The following KHDRBS3 variants were observed in gnomAD, a reference collection of about 807,000 sequenced individuals.
KHDRBS3 encodes KH domain-containing, RNA-binding, signal transduction-associated protein 3.
In KHDRBS3, 23 loss-of-function variants were observed where a neutral mutation model predicts 45.6. The observed-to-expected ratio is 0.50, with a 90% CI of 0.36 to 0.72. The LOEUF is 0.72. Among genes scored for constraint, KHDRBS3 ranks in the 30% least tolerant of loss-of-function variants. The pLI is 0.00. For missense variants in KHDRBS3, 352 were observed against 424.8 expected, an observed-to-expected ratio of 0.83 and a Z score of 1.51; for synonymous variants, 162 against 156.5, an observed-to-expected ratio of 1.04 and a Z score of -0.26.
chr8:135,627,684 A>C (rs561822326), intron 7 of KHDRBS3, among the ~76,000 whole-genome samples: 28 of 152,240 alleles, frequency 1.8e-4, no homozygotes, highest in Non-Finnish European at 3.2e-4. Context: ...AGTGAAAGTT[A>C]ACATACGTAT....
At chr8:135,621,742 T>C (rs1248678410) in intron 7 of KHDRBS3, among the ~76,000 whole-genome samples, 1 of 151,304 alleles carries the variant, frequency 6.6e-6, no homozygotes, top group Non-Finnish European at 1.5e-5. Context: ...TATGAAGAGA[T>C]TGACTTGGTG....
At chr8:135,602,276 A>G (rs1248498205) in intron 6 of KHDRBS3, among the ~76,000 whole-genome samples, 2 of 152,142 alleles carry the variant, frequency 1.3e-5, no homozygotes, top group South Asian at 2.1e-4. Context: ...ATGCTTCCCT[A>G]TATGTTTCAA....
chr8:135,457,761 T>A lies in KHDRBS3; in HGVS notation c.-106T>A. 2.5e-6 allele frequency: 1 copy of A among 400,256 alleles called. No individual in the cohort carries two copies. Among genetic ancestry groups the A allele is most frequent in the Non-Finnish European group, 3.7e-6 (1 of 267,708 alleles). 24.8% of individuals were successfully genotyped at this position (400,256 alleles called of 1,614,324 possible). ...CCGGCTTGGCCGCTGCTGCCGCGTC[T>A]GGCCCCCGGGTCCCCGCCGCTGGGG... On this transcript the variant is annotated 5_prime_UTR_variant, in exon 1 of 9. Transcript: ENST00000355849. This position sits in a 1 kb window ranked among gnomAD's most constrained non-coding sequence, Gnocchi z 4.4.
At chr8:135,595,770 A>G (rs1828945733) in intron 6 of KHDRBS3, among the ~76,000 whole-genome samples, 1 of 152,208 alleles carries the variant, frequency 6.6e-6, no homozygotes, top group Non-Finnish European at 1.5e-5. Flanking sequence ...GAATGAATCC[A>G]TATAAATCCA....
chr8:135,608,655 G>A (rs768877391), intron 7 of KHDRBS3, among the ~76,000 whole-genome samples: 19 of 152,138 alleles, frequency 1.2e-4, no homozygotes, highest in African/African-American at 3.6e-4. Flanking sequence ...TTCTGTTCCC[G>A]TATCTGTTAT....
chr8:135,608,970 G>C (rs1328001882), intron 7 of KHDRBS3, among the ~76,000 whole-genome samples: 1 of 152,192 alleles, frequency 6.6e-6, no homozygotes, highest in African/African-American at 2.4e-5. Context: ...CATGAATGCA[G>C]CTCGAAGGAC....
chr8:135,640,361 T>C (rs1417762402), intron 7 of KHDRBS3, among the ~76,000 whole-genome samples: 2 of 152,106 alleles, frequency 1.3e-5, no homozygotes, highest in Admixed American at 6.5e-5. Flanking sequence ...TTAACCCCAC[T>C]CATAGAGGTG....
chr8:135,526,981 CA>C (rs1470641422), intron 2 of KHDRBS3, among the ~76,000 whole-genome samples: 1 of 151,630 alleles, frequency 6.6e-6, no homozygotes, highest in East Asian at 1.9e-4. Context: ...TGATCAGCGC[CA>C]GCTTGGAACA....
At position 135,507,722 on chromosome 8, in the gene KHDRBS3, AT is replaced by A. The variant is rs536047924; in HGVS notation, c.89-13514del. ...AAATGTGACTGGAGAGTGACCTAGT[AT>A]GCATAACACTCCCTGTCTTTAAATT... is the stretch of plus-strand genomic sequence containing the variant. On this transcript the variant is annotated intron_variant, in intron 1 of 8. Transcript: ENST00000355849. Among the ~76,000 whole-genome samples the A allele has an allele frequency of 3.9e-5, 6 of 152,320 alleles. No individual in the cohort carries two copies. The East Asian group carries it at 7.7e-4, about 20-fold the overall frequency.
At chr8:135,606,727 G>A (rs949946071) in intron 6 of KHDRBS3, among the ~76,000 whole-genome samples, 1 of 152,152 alleles carries the variant, frequency 6.6e-6, no homozygotes, top group Non-Finnish European at 1.5e-5. Flanking sequence ...TTAATTTCCA[G>A]GGTTCTGAAA....
chr8:135,635,906 C>T (rs945318455), intron 7 of KHDRBS3, among the ~76,000 whole-genome samples: 4 of 152,192 alleles, frequency 2.6e-5, no homozygotes, highest in African/African-American at 4.8e-5. Context: ...GTCATATTAT[C>T]ACCACTGATC....
chr8:135,464,621 G>A (rs747578680), intron 1 of KHDRBS3, among the ~76,000 whole-genome samples: 3 of 152,192 alleles, frequency 2.0e-5, no homozygotes, highest in Non-Finnish European at 4.4e-5. Flanking sequence ...TCTGGAAGGG[G>A]GGAATATGTT....
At chr8:135,481,598 T>C (rs1374787539) in intron 1 of KHDRBS3, among the ~76,000 whole-genome samples, 1 of 152,228 alleles carries the variant, frequency 6.6e-6, no homozygotes, top group Non-Finnish European at 1.5e-5. Flanking sequence ...AAGCTCTTTG[T>C]ACACAAGTCT....
chr8:135,575,904 G>A (rs1319610330), intron 5 of KHDRBS3, among the ~76,000 whole-genome samples: 1 of 152,082 alleles, frequency 6.6e-6, no homozygotes, highest in Non-Finnish European at 1.5e-5. Flanking sequence ...TCCTTTTTCT[G>A]TTCCAGAATC....
intron 5 of KHDRBS3, among the ~76,000 whole-genome samples, chr8:135,567,210 A>G (rs761726126): frequency 2.0e-4 from 31 of 152,080 alleles, no homozygotes; most frequent in South Asian, 1.5e-3. Context: ...ACTATTAACA[A>G]TGGTTTGGGT....
At chr8:135,587,742 T>C (rs1331375829) in intron 6 of KHDRBS3, among the ~76,000 whole-genome samples, 2 of 152,236 alleles carry the variant, frequency 1.3e-5, no homozygotes, top group Non-Finnish European at 2.9e-5. Context: ...TGATGTGTCC[T>C]GGCGAGCCCA....
chr8:135,485,326 A>G (rs1822800318), intron 1 of KHDRBS3, among the ~76,000 whole-genome samples: 1 of 152,230 alleles, frequency 6.6e-6, no homozygotes, highest in South Asian at 2.1e-4. Context: ...TGGATGAGAC[A>G]AGAAAAATTA....
At chr8:135,521,676 G>T (rs935787775) in intron 2 of KHDRBS3, among the ~76,000 whole-genome samples, 1 of 152,116 alleles carries the variant, frequency 6.6e-6, no homozygotes, top group African/African-American at 2.4e-5. Context: ...GATAATCTGT[G>T]TTAAATGCTT....
intron 6 of KHDRBS3, among the ~76,000 whole-genome samples, chr8:135,585,228 C>CAAAA (rs35301059): frequency 7.3e-5 from 7 of 96,116 alleles, no homozygotes; most frequent in African/African-American, 1.7e-4. Context: ...GACTCCGTCT[C>CAAAA]AAAAAAAAAA....
Sources: gnomAD v4.1 joint callset for allele counts (sites outside exome capture counted in the v4.1 genomes callset) on GRCh38, gnomAD v4.1.1 for gene constraint, Gnocchi (gnomAD v3.1) non-coding constraint, MANE v1.5 for transcripts, NCBI Gene and HGNC (gene_info 2026-07-23, HGNC 2026-07-21) for gene names.